The following PEBP4 variants were observed in gnomAD, a reference collection of about 807,000 sequenced individuals.
PEBP4 encodes the protein phosphatidylethanolamine binding protein 4.
PEBP4 carries 22 observed loss-of-function variants against 23.9 expected under a neutral mutation model. That is an observed-to-expected ratio of 0.92 (90% CI 0.66 to 1.31). The LOEUF (loss-of-function observed/expected upper bound fraction) is 1.31. PEBP4 is among the 40% of genes most tolerant of loss of function. The pLI is 0.00. For missense variants in PEBP4, 324 were observed against 281.7 expected, an observed-to-expected ratio of 1.15 and a Z score of -1.07; for synonymous variants, 112 against 99.3, an observed-to-expected ratio of 1.13 and a Z score of -0.76.
chr8:22,738,050 A>G lies in PEBP4; in HGVS notation c.358-10830T>C, dbSNP rs75789022. Among the ~76,000 whole-genome samples, 8 of 152,222 alleles carry G rather than the reference A, an allele frequency of 5.3e-5. No individual in the cohort carries two copies. The East Asian group carries it at 1.5e-3, about 29-fold the overall frequency. On this transcript the variant is annotated intron_variant, in intron 4 of 6. Transcript: ENST00000256404. ...GTCTCCTGGCAGGGCCAGCCTCCTG[A>G]GGCTGATGGCTGCGCCGTGGGCTTG...
intron 6 of PEBP4, among the ~76,000 whole-genome samples, chr8:22,716,104 G>A (rs1269764966): frequency 6.6e-6 from 1 of 152,192 alleles, no homozygotes; most frequent in East Asian, 1.9e-4. Flanking sequence ...GGTGGTGGGA[G>A]GCCTTGGCTG....
chr8:22,733,549 CT>C (rs146416081), intron 4 of PEBP4, among the ~76,000 whole-genome samples: 1 of 152,228 alleles, frequency 6.6e-6, no homozygotes, highest in East Asian at 1.9e-4. Flanking sequence ...CTTCAATTAC[CT>C]GTAGGCAGCG....
chr8:22,797,408 C>T (rs537286703), intron 4 of PEBP4, among the ~76,000 whole-genome samples: 6 of 151,628 alleles, frequency 4.0e-5, no homozygotes, highest in Admixed American at 6.6e-5. Flanking sequence ...GGGAGGACAC[C>T]GAGGCCCAAA....
intron 3 of PEBP4, among the ~76,000 whole-genome samples, chr8:22,900,050 T>G (rs1808681506): frequency 6.6e-6 from 1 of 152,174 alleles, no homozygotes; most frequent in Non-Finnish European, 1.5e-5. Flanking sequence ...AAGAGCCTTA[T>G]CTATGCTTCA....
chr8:22,738,318 CGA>C (rs1804915096), intron 4 of PEBP4, among the ~76,000 whole-genome samples: 1 of 152,030 alleles, frequency 6.6e-6, no homozygotes, highest in Non-Finnish European at 1.5e-5. Flanking sequence ...CTCAGGAGAG[CGA>C]GTCAGAGGTG....
chr8:22,760,507 G>A (rs765165246), intron 4 of PEBP4, among the ~76,000 whole-genome samples: 2 of 152,118 alleles, frequency 1.3e-5, no homozygotes, highest in Non-Finnish European at 2.9e-5. Flanking sequence ...TGAATGAAGA[G>A]GCCATGGGGG....
intron 3 of PEBP4, among the ~76,000 whole-genome samples, chr8:22,877,783 A>G (rs1307451087): frequency 6.6e-6 from 1 of 152,210 alleles, no homozygotes; most frequent in Non-Finnish European, 1.5e-5. Context: ...TGAGCTGCTT[A>G]CATAAACACT....
intron 3 of PEBP4, among the ~76,000 whole-genome samples, chr8:22,824,031 A>C (rs900774625): frequency 6.9e-6 from 1 of 144,256 alleles, no homozygotes; most frequent in Admixed American, 6.8e-5. Flanking sequence ...TATGAACTCT[A>C]TAATGTCATT....
chr8:22,810,671 TGTGTGTG>T (rs1806601135), intron 4 of PEBP4, among the ~76,000 whole-genome samples: 1 of 27,100 alleles, frequency 3.7e-5, no homozygotes, highest in Admixed American at 4.1e-4. Context: ...CATGGAGGGG[TGTGTGTG>T]TGTGTGTGTG....
chr8:22,924,541 C>G (rs951967322), intron 2 of PEBP4: 9 of 494,762 alleles, frequency 1.8e-5, no homozygotes, highest in Non-Finnish European at 2.1e-5. Context: ...TTGTGCACCT[C>G]GTGGATCCGC....
At chr8:22,774,278 T>C (rs1340742536) in intron 4 of PEBP4, among the ~76,000 whole-genome samples, 1 of 152,224 alleles carries the variant, frequency 6.6e-6, no homozygotes, top group Non-Finnish European at 1.5e-5. Flanking sequence ...TTTGGGCTTC[T>C]GCATCTCACT....
At chr8:22,812,506 G>T (rs1806652979) in intron 4 of PEBP4, among the ~76,000 whole-genome samples, 1 of 152,144 alleles carries the variant, frequency 6.6e-6, no homozygotes, top group Admixed American at 6.5e-5. Flanking sequence ...GAACCTACAT[G>T]TTAGGAAGCC....
intron 3 of PEBP4, among the ~76,000 whole-genome samples, chr8:22,857,560 G>A (rs1352177714): frequency 6.6e-6 from 1 of 152,176 alleles, no homozygotes; most frequent in Non-Finnish European, 1.5e-5. Context: ...CCAGAAGCTG[G>A]CCTGGTTGGT....
chr8:22,925,365 G>C (rs1449241827), intron 2 of PEBP4: 1 of 976,456 alleles, frequency 1.0e-6, no homozygotes, highest in East Asian at 1.1e-4. Context: ...AAGCAGATAG[G>C]GAAAGAGCGT....
intron 3 of PEBP4, among the ~76,000 whole-genome samples, chr8:22,890,523 TTTCA>T (rs1808472435): frequency 6.6e-6 from 1 of 152,238 alleles, no homozygotes; most frequent in Non-Finnish European, 1.5e-5. Context: ...TAGCCCTATC[TTTCA>T]AACTCCCAGC....
chr8:22,806,732 A>C (rs1161256477), intron 4 of PEBP4, among the ~76,000 whole-genome samples: 2 of 152,198 alleles, frequency 1.3e-5, no homozygotes, highest in South Asian at 4.1e-4. Context: ...CTCTTCAGGA[A>C]TGATTTGTTA....
chr8:22,746,262 T>G lies in PEBP4; in HGVS notation c.358-19042A>C, dbSNP rs562019547. ...CTCTGTGAATCCAGGTGCTGAGGTG[T>G]GGAGGCCCCTCTGGGGTTAGAGAGA... On this transcript the variant is annotated intron_variant, in intron 4 of 6. Coordinates refer to ENST00000256404, the MANE Select transcript of PEBP4 (RefSeq NM_144962.3). Among the ~76,000 whole-genome samples, 75 of 152,242 alleles carry G rather than the reference T, an allele frequency of 4.9e-4. 1 individual carries two copies. The South Asian group carries it at 5.6e-3, about 11-fold the overall frequency.
chr8:22,858,221 T>A (rs183731617), intron 3 of PEBP4, among the ~76,000 whole-genome samples: 8 of 151,760 alleles, frequency 5.3e-5, no homozygotes, highest in African/African-American at 1.9e-4. Context: ...TTCAGCTTCC[T>A]GCATTTCTTC....
rs35759089 is a variant in PEBP4, at chr8:22,871,552, AT to A, written c.258+48631del. Among the ~76,000 whole-genome samples the A allele has an allele frequency of 7.7e-3, 887 of 115,254 alleles. 12 individuals are homozygous for A. The highest frequency in any genetic ancestry group is 0.026 in the African/African-American group (767 of 28,986). The allele number at this position is 115,254 out of a possible 152,430, so 75.6% of individuals were successfully genotyped here. ...AAGTTCTTTAGCAGTGATTTCTGGGATTTTTTTTTTTTTTTTTTTTTAAGAC... is the reference window on the plus strand; with the variant it reads ...AAGTTCTTTAGCAGTGATTTCTGGGATTTTTTTTTTTTTTTTTTTTAAGAC... On this transcript the variant is annotated intron_variant, in intron 3 of 6. Transcript: ENST00000256404.
Sources: allele counts gnomAD v4.1 joint callset (sites outside exome capture counted in the v4.1 genomes callset), GRCh38; gene constraint gnomAD v4.1.1; transcripts MANE v1.5; gene names NCBI Gene and HGNC (gene_info 2026-07-23, HGNC 2026-07-21).